PBK: variants seen among roughly 807,000 people sequenced by gnomAD.
PBK encodes the protein lymphokine-activated killer T-cell-originated protein kinase.
PBK carries 22 observed loss-of-function variants against 33.5 expected under a neutral mutation model. The observed-to-expected ratio is 0.66, with a 90% CI of 0.47 to 0.94. The LOEUF is 0.94. Ranked by LOEUF, PBK falls within the 40% of genes least tolerant of loss-of-function variation. The pLI, the probability that PBK is intolerant of heterozygous loss-of-function variation, is 0.00. For synonymous variants in PBK, 129 were observed against 123.8 expected (o/e 1.04, Z -0.28); for missense variants, 376 against 383.4 (o/e 0.98, Z 0.16).
chr8:27,822,913 A>T (rs887664854), intron 4 of PBK, 150 bp downstream of exon 4: 2 of 547,574 alleles, frequency 3.7e-6, no homozygotes, highest in Admixed American at 7.8e-5. Flanking sequence ...GCAAATTTTT[A>T]TTTTAGACCA....
chr8:27,810,515 G>T lies in PBK; in HGVS notation c.773-14C>A, dbSNP rs778323580. ...CAAAAGTTTTATCTTGAAGGAGTTAGAGATTGAAACAATAAACAAAATCAC... is the reference window on the plus strand; with the variant it reads ...CAAAAGTTTTATCTTGAAGGAGTTATAGATTGAAACAATAAACAAAATCAC... On this transcript the variant is annotated splice_polypyrimidine_tract_variant and intron_variant, in intron 7 of 7. Coordinates refer to ENST00000301905, the MANE Select transcript of PBK (RefSeq NM_018492.4). The T allele has an allele frequency of 6.6e-7, 1 of 1,521,668 alleles. No individual in the cohort carries two copies. Among genetic ancestry groups the T allele is most frequent in the Non-Finnish European group, 9.1e-7 (1 of 1,104,018 alleles). The allele number at this position is 1,521,668 out of a possible 1,614,324, so 94.3% of individuals were successfully genotyped here.
Position 27,826,749 on chromosome 8 carries a change from T to C in PBK, c.152+1356A>G, listed in dbSNP as rs565191768. Among the ~76,000 whole-genome samples the C allele has an allele frequency of 4.1e-4, 40 of 98,492 alleles. 2 individuals are homozygous for C. Among genetic ancestry groups the C allele is most frequent in the Non-Finnish European group, 6.3e-4 (34 of 53,988 alleles). 64.6% of individuals were successfully genotyped at this position (98,492 alleles called of 152,430 possible). A position where few individuals can be genotyped will look rare whatever the true frequency, so the allele number is the denominator to read the frequency against. On this transcript the variant is annotated intron_variant, in intron 3 of 7. Transcript: ENST00000301905. ...AGGCGGAGCTTGCAGTGAGCCGAGA[T>C]CGCGCCACTGCACTCCAGCCTGGGC... is the stretch of plus-strand genomic sequence containing the variant.
Position 27,829,605 on chromosome 8 carries a change from C to T in PBK, c.59-1407G>A, listed in dbSNP as rs368541585. The stretch of plus-strand genomic sequence containing the variant: ...AATAGAGGCCTAGCGCGGTGGCTCA[C>T]GCCTGTAATCCCAGCACTTTGGGAG... On this transcript the variant is annotated intron_variant, in intron 2 of 7. Transcript: ENST00000301905. Among the ~76,000 whole-genome samples the T allele has an allele frequency of 2.2e-4, 33 of 152,326 alleles. 1 individual carries two copies. Among genetic ancestry groups the T allele is most frequent in the Admixed American group, 6.5e-4 (10 of 15,308 alleles).
chr8:27,816,359 T>TATATATATATATATATA lies in PBK; in HGVS notation c.595+4205_595+4206insTATATATATATATATAT, dbSNP rs1563489324. ...CATCGAATACTATATATATATATAT[T>TATATATATATATATATA]TATTTATTTATTTATTTATTTTAAT... is the stretch of plus-strand genomic sequence containing the variant. On this transcript the variant is annotated intron_variant, in intron 6 of 7. Transcript: ENST00000301905. Among the ~76,000 whole-genome samples, 834 of 125,802 alleles carry TATATATATATATATATA rather than the reference T, an allele frequency of 6.6e-3. 6 individuals are homozygous for TATATATATATATATATA. Among genetic ancestry groups the TATATATATATATATATA allele is most frequent in the East Asian group, 0.018 (69 of 3,750 alleles). 82.5% of individuals were successfully genotyped at this position (125,802 alleles called of 152,430 possible). A position where few individuals can be genotyped will look rare whatever the true frequency, so the allele number is the denominator to read the frequency against.
chr8:27,811,283 A>G, intron 6 of PBK, 149 bp from the exon 7 acceptor site: 1 of 665,894 alleles, frequency 1.5e-6, no homozygotes, highest in Non-Finnish European at 2.6e-6. Flanking sequence ...AACCTCAATA[A>G]GGATTACTTT....
intron 3 of PBK, among the ~76,000 whole-genome samples, chr8:27,825,385 T>C (rs6558017): frequency 0.9 from 136,343 of 152,152 alleles, 61,173 homozygotes; most frequent in East Asian, 1. Context: ...CTGCAGTGAG[T>C]TATGATGGCA....
intron 6 of PBK, among the ~76,000 whole-genome samples, chr8:27,813,598 A>C (rs540861726): frequency 1.6e-4 from 24 of 152,008 alleles, no homozygotes; most frequent in Admixed American, 7.2e-4. Context: ...GCTAATTAAC[A>C]TATCTATCAC....
chr8:27,811,696 C>G (rs543197414), intron 6 of PBK, among the ~76,000 whole-genome samples: 19 of 152,234 alleles, frequency 1.2e-4, no homozygotes, highest in Non-Finnish European at 1.8e-4. Flanking sequence ...AGCTAAAATT[C>G]TCATTAGGAT....
chr8:27,822,532 A>C (rs952000990), intron 4 of PBK, 44 bp from the exon 5 acceptor site: 16 of 1,339,892 alleles, frequency 1.2e-5, no homozygotes, highest in Non-Finnish European at 1.6e-5. Flanking sequence ...AGAGAAGAAC[A>C]ATAATATTTA....
rs748812180 is a variant in PBK at position 27,810,313 on chromosome 8, C to T, written c.961G>A (p.Asp321Asn). 6 of 1,609,138 alleles carry T rather than the reference C, an allele frequency of 3.7e-6. No individual in the cohort carries two copies. The highest frequency in any genetic ancestry group is 4.3e-6 in the Non-Finnish European group (5 of 1,175,746). Reference sequence around the variant, plus strand: ...TTCAGCTGAGATGATCACTAGACATCTGTTTCCAGAGCTTCAACAATGTGT... The same window carrying T: ...TTCAGCTGAGATGATCACTAGACATTTGTTTCCAGAGCTTCAACAATGTGT... ...AAHIVEALET[D>N]V The change falls in exon 8 of 8, where the codon GAT (aspartate) becomes AAT (asparagine). Residue 321 changes from aspartate (D) to asparagine (N), a missense_variant. Asp to Asn is a conservative substitution (Grantham distance 23). Transcript: ENST00000301905.
At chr8:27,827,498 C>G (rs1247957438) in intron 3 of PBK, among the ~76,000 whole-genome samples, 2 of 152,068 alleles carry the variant, frequency 1.3e-5, no homozygotes, top group Non-Finnish European at 2.9e-5. Flanking sequence ...GCACTCCAGC[C>G]TGGTCAACAG....
At chr8:27,817,102 T>G (rs779819894) in intron 6 of PBK, among the ~76,000 whole-genome samples, 1 of 152,156 alleles carries the variant, frequency 6.6e-6, no homozygotes, top group African/African-American at 2.4e-5. Flanking sequence ...GCTTTAAGAA[T>G]TGCTATTGCT....
chr8:27,813,326 G>T (rs61201459), intron 6 of PBK, among the ~76,000 whole-genome samples: 1 of 152,032 alleles, frequency 6.6e-6, no homozygotes, highest in Non-Finnish European at 1.5e-5. Context: ...CATGGGGTAG[G>T]GGGGAGGGAT....
intron 6 of PBK, among the ~76,000 whole-genome samples, chr8:27,816,343 CT>C (rs1359168166): frequency 1.1e-4 from 15 of 136,316 alleles, no homozygotes; most frequent in African/African-American, 3.5e-4. Flanking sequence ...TCATCGAATA[CT>C]ATATATATAT....
chr8:27,811,179 G>T, intron 6 of PBK, 45 bp from the exon 7 acceptor site: 1 of 1,582,020 alleles, frequency 6.3e-7, no homozygotes, highest in Non-Finnish European at 8.7e-7. Flanking sequence ...TACAAATCAC[G>T]AAAAGGCAAG....
At chr8:27,823,959 A>C (rs1805979408) in intron 3 of PBK, among the ~76,000 whole-genome samples, 1 of 152,112 alleles carries the variant, frequency 6.6e-6, no homozygotes, top group African/African-American at 2.4e-5. Flanking sequence ...GAGCCTCAGA[A>C]GTTTAAGACA....
intron 6 of PBK, among the ~76,000 whole-genome samples, chr8:27,818,906 G>A (rs746368256): frequency 2.0e-5 from 3 of 151,968 alleles, no homozygotes; most frequent in Non-Finnish European, 4.4e-5. Context: ...CAAGTGTAAG[G>A]ATAGAAAACA....
chr8:27,824,354 G>T (rs923807030), intron 3 of PBK, among the ~76,000 whole-genome samples: 1 of 151,858 alleles, frequency 6.6e-6, no homozygotes, highest in African/African-American at 2.4e-5. Context: ...ATAGATTTAT[G>T]AAATCTGAAT....
Position 27,811,101 on chromosome 8 carries a change from T to C in PBK, c.629A>G (p.Glu210Gly). ...CACAGCTTCTTTGGGTTTCCATGGCTCTGTGCCAATGTAACAAGCCTCAGG... is the reference window on the plus strand; with the variant it reads ...CACAGCTTCTTTGGGTTTCCATGGCCCTGTGCCAATGTAACAAGCCTCAGG... ...TDPEACYIGT[E>G]PWKPKEAVEE... is the part of the protein sequence containing the mutation. The change falls in exon 7 of 8, where the codon GAG (glutamate) becomes GGG (glycine). Residue 210 changes from glutamate (E) to glycine (G), a missense_variant. By Grantham distance (98) the Glu-to-Gly change is moderately conservative (BLOSUM62 -2). Coordinates refer to ENST00000301905, the MANE Select transcript of PBK (RefSeq NM_018492.4). 6.2e-7 allele frequency: 1 copy of C among 1,613,794 alleles called. No homozygotes were observed. The highest frequency in any genetic ancestry group is 8.5e-7 in the Non-Finnish European group (1 of 1,179,684).
Sources: gnomAD v4.1 joint callset for allele counts (sites outside exome capture counted in the v4.1 genomes callset) on GRCh38, gnomAD v4.1.1 for gene constraint, MANE v1.5 for transcripts, NCBI Gene and HGNC (gene_info 2026-07-23, HGNC 2026-07-21) for gene names.